The following MYCBP2 variants were observed in gnomAD, a reference collection of about 807,000 sequenced individuals.
The protein encoded by MYCBP2 is MYC binding protein 2, also known as E3 ubiquitin-protein ligase MYCBP2.
In MYCBP2, 120 loss-of-function variants were observed where a neutral mutation model predicts 525.3. The ratio of observed to expected loss-of-function variants is 0.23; its 90% confidence interval spans 0.20 to 0.27. The LOEUF (loss-of-function observed/expected upper bound fraction) is 0.27. Ranked by LOEUF, MYCBP2 falls within the 10% of genes least tolerant of loss-of-function variation. The probability of loss-of-function intolerance (pLI) is 1.00; values close to 1 mark genes in which losing one functional copy is unlikely to be tolerated. For missense variants in MYCBP2, 4,149 were observed against 5,657.1 expected, an observed-to-expected ratio of 0.73 and a Z score of 8.55; for synonymous variants, 1,894 against 1,955.8, an observed-to-expected ratio of 0.97 and a Z score of 0.83.
chr13:77,228,691 TTGTG>T (rs34441629), intron 18 of MYCBP2, among the ~76,000 whole-genome samples: 91,788 of 147,048 alleles, frequency 0.62, 29,798 homozygotes, highest in Middle Eastern at 0.76. Context: ...GATGAATATG[TTGTG>T]TGTGTGTGTG....
chr13:77,131,509 CACAA>C (rs1566645277), intron 52 of MYCBP2, among the ~76,000 whole-genome samples: 5 of 56,694 alleles, frequency 8.8e-5, no homozygotes, highest in African/African-American at 1.9e-4. Context: ...CACACACACA[CACAA>C]ACAAACACAC....
rs922542057 is a variant in MYCBP2 at position 77,122,271 on chromosome 13, G to C, written c.8018-776C>G. 4.6e-5 allele frequency among the ~76,000 whole-genome samples: 7 copies of C among 151,922 alleles called. 1 individual carries two copies. The highest frequency in any genetic ancestry group is 1.7e-4 in the African/African-American group (7 of 41,362). On this transcript the variant is annotated intron_variant, in intron 54 of 82. Coordinates refer to ENST00000544440, the MANE Select transcript of MYCBP2 (RefSeq NM_015057.5). Reference sequence around the variant, plus strand: ...TGCCAGCCAAAAAAGGCAAAATAAAGTCTGTCAAGTAAAATTGGGGGGAAA... The same window carrying C: ...TGCCAGCCAAAAAAGGCAAAATAAACTCTGTCAAGTAAAATTGGGGGGAAA...
intron 21 of MYCBP2, among the ~76,000 whole-genome samples, chr13:77,217,051 T>A (rs2064926226): frequency 6.6e-6 from 1 of 152,238 alleles, no homozygotes; most frequent in African/African-American, 2.4e-5. Flanking sequence ...AATAGGTGAA[T>A]CTGGTTAAAG....
intron 55 of MYCBP2, among the ~76,000 whole-genome samples, chr13:77,120,650 A>C (rs2050534869): frequency 6.6e-6 from 1 of 152,198 alleles, no homozygotes; most frequent in African/African-American, 2.4e-5. Context: ...GATCAGGTAC[A>C]TAGGAAAGAA....
Position 77,326,863 on chromosome 13 carries a change from C to T in MYCBP2, c.-88G>A, listed in dbSNP as rs1265644857. The stretch of plus-strand genomic sequence containing the variant: ...CGCACACACAGCCCTTTTCCAACGA[C>T]GACGGCTCCGGCGGCGGCCTCTGGC... On this transcript the variant is annotated 5_prime_UTR_variant, in exon 1 of 83. Transcript: ENST00000544440. The surrounding 1 kb of genome is among the most constrained non-coding windows in gnomAD (Gnocchi z 4.2). 14 of 1,264,074 alleles carry T rather than the reference C, an allele frequency of 1.1e-5. No homozygotes were observed. The highest frequency in any genetic ancestry group is 1.6e-5 in the African/African-American group (1 of 63,422). 78.3% of individuals were successfully genotyped at this position (1,264,074 alleles called of 1,614,324 possible).
intron 15 of MYCBP2, among the ~76,000 whole-genome samples, chr13:77,245,919 AC>A (rs1448779225): frequency 1.3e-5 from 2 of 151,858 alleles, no homozygotes; most frequent in African/African-American, 4.8e-5. Context: ...TCTCTTCTTT[AC>A]ATGCCTTCAC....
chr13:77,056,944 C>G (rs1325239866), intron 79 of MYCBP2, 42 bp downstream of exon 79: 1 of 1,449,186 alleles, frequency 6.9e-7, no homozygotes, highest in Non-Finnish European at 9.7e-7. Context: ...AAAGAAAGAA[C>G]AAAAGAAAAA....
In MYCBP2 at chr13:77,257,543, T is replaced by A; in HGVS notation, c.2176+128A>T. The A allele has an allele frequency of 3.0e-6, 3 of 1,007,808 alleles. 1 individual carries two copies. The highest frequency in any genetic ancestry group is 2.8e-5 in the Admixed American group (1 of 35,274). 62.4% of individuals were successfully genotyped at this position (1,007,808 alleles called of 1,614,324 possible). On this transcript the variant is annotated intron_variant, in intron 14 of 82. Coordinates refer to ENST00000544440, the MANE Select transcript of MYCBP2 (RefSeq NM_015057.5). The stretch of plus-strand genomic sequence containing the variant: ...CTACCCATAAAATTTTTAAAAAAAA[T>A]TTAAATAGGAACAAAAAGAAAAAGA...
chr13:77,101,877 T>C (rs2154133854), intron 55 of MYCBP2, among the ~76,000 whole-genome samples: 1 of 152,156 alleles, frequency 6.6e-6, no homozygotes, highest in Non-Finnish European at 1.5e-5. Context: ...AAATTGTATG[T>C]TGTGGCTGCT....
chr13:77,114,177 T>C (rs2049321853), intron 55 of MYCBP2, among the ~76,000 whole-genome samples: 1 of 152,116 alleles, frequency 6.6e-6, no homozygotes, highest in Non-Finnish European at 1.5e-5. Context: ...CTGAATTACA[T>C]TGCAAAAATA....
chr13:77,203,741 A>G (rs915016504), intron 26 of MYCBP2, among the ~76,000 whole-genome samples: 3 of 152,156 alleles, frequency 2.0e-5, no homozygotes, highest in Admixed American at 6.5e-5. Context: ...AAATAATGCC[A>G]CATATCTACA....
chr13:77,111,866 T>G (rs1008678985), intron 55 of MYCBP2, among the ~76,000 whole-genome samples: 3 of 152,114 alleles, frequency 2.0e-5, no homozygotes, highest in African/African-American at 7.2e-5. Context: ...CTCCCTCCAT[T>G]TATTCACTGC....
chr13:77,289,742 T>C (rs979595120), intron 2 of MYCBP2, among the ~76,000 whole-genome samples: 1 of 152,066 alleles, frequency 6.6e-6, no homozygotes, highest in African/African-American at 2.4e-5. Flanking sequence ...AGAAGTATTT[T>C]CTAAAAAAGA....
At chr13:77,241,168 C>T (rs963888460) in intron 17 of MYCBP2, among the ~76,000 whole-genome samples, 3 of 151,840 alleles carry the variant, frequency 2.0e-5, no homozygotes, top group Admixed American at 6.6e-5. Context: ...AGGTTTATGT[C>T]AAATTTAAAA....
intron 82 of MYCBP2, among the ~76,000 whole-genome samples, chr13:77,046,417 C>T (rs551946972): frequency 3.9e-5 from 6 of 152,100 alleles, no homozygotes; most frequent in African/African-American, 9.7e-5. Flanking sequence ...AAAAATATCA[C>T]GAGATTGGAT....
At chr13:77,225,352 G>C in intron 19 of MYCBP2, 83 bp downstream of exon 19, 1 of 1,568,776 alleles carries the variant, frequency 6.4e-7, no homozygotes, top group Non-Finnish European at 8.7e-7. Flanking sequence ...ACAGTTAACA[G>C]GCTATGTTCA....
chr13:77,241,482 A>G (rs1482088312), intron 17 of MYCBP2, among the ~76,000 whole-genome samples: 3 of 152,190 alleles, frequency 2.0e-5, no homozygotes, highest in African/African-American at 7.2e-5. Context: ...GCAAACAGAT[A>G]GAATGGTAAC....
chr13:77,242,279 A>T (rs1022222405), intron 17 of MYCBP2, among the ~76,000 whole-genome samples: 1 of 152,058 alleles, frequency 6.6e-6, no homozygotes, highest in African/African-American at 2.4e-5. Flanking sequence ...ACGCCCAGCT[A>T]ATTTTTTTGT....
At chr13:77,217,389 C>T (rs983915585) in intron 21 of MYCBP2, among the ~76,000 whole-genome samples, 3 of 151,624 alleles carry the variant, frequency 2.0e-5, no homozygotes, top group African/African-American at 4.9e-5. Flanking sequence ...AACAGACAGG[C>T]GGATAGACTC....
Sources: gnomAD v4.1 joint callset for allele counts (sites outside exome capture counted in the v4.1 genomes callset) on GRCh38, gnomAD v4.1.1 for gene constraint, Gnocchi (gnomAD v3.1) non-coding constraint, MANE v1.5 for transcripts, NCBI Gene and HGNC (gene_info 2026-07-23, HGNC 2026-07-21) for gene names.